The following ZHX2 variants were observed in gnomAD, a reference collection of about 807,000 sequenced individuals.
ZHX2 encodes the protein zinc fingers and homeoboxes protein 2.
In ZHX2, 6 loss-of-function variants were observed where a neutral mutation model predicts 21.9. The ratio of observed to expected loss-of-function variants is 0.27; its 90% CI spans 0.15 to 0.54. The LOEUF (loss-of-function observed/expected upper bound fraction) is 0.54. ZHX2 is among the 20% of genes least tolerant of loss of function. ZHX2 has a pLI of 0.95. For missense variants in ZHX2, 908 were observed against 1,090.7 expected (o/e 0.83, Z 2.36); for synonymous variants, 434 against 437.1 (o/e 0.99, Z 0.09).
At chr8:122,801,873 G>A (rs1250681846) in intron 1 of ZHX2, among the ~76,000 whole-genome samples, 1 of 152,168 alleles carries the variant, frequency 6.6e-6, no homozygotes, top group Non-Finnish European at 1.5e-5. Flanking sequence ...TGGATGCGTT[G>A]ACTTGGAACT....
At chr8:122,821,101 A>T (rs1026455894) in intron 1 of ZHX2, among the ~76,000 whole-genome samples, 1 of 152,216 alleles carries the variant, frequency 6.6e-6, no homozygotes, top group African/African-American at 2.4e-5. Context: ...ACATCTGGGT[A>T]GCAGTGAGGG....
chr8:122,860,997 C>G (rs906973050), intron 1 of ZHX2, among the ~76,000 whole-genome samples: 2 of 137,806 alleles, frequency 1.5e-5, no homozygotes, highest in Admixed American at 1.6e-4. Flanking sequence ...CATGCCACTG[C>G]ATGCACTCCA....
chr8:122,809,787 C>T (rs774792469), intron 1 of ZHX2, among the ~76,000 whole-genome samples: 13 of 152,144 alleles, frequency 8.5e-5, no homozygotes, highest in Non-Finnish European at 1.8e-4. Context: ...AGCTATGTGA[C>T]GTTAGGCCAC....
At chr8:122,859,575 G>A (rs1015234507) in intron 1 of ZHX2, among the ~76,000 whole-genome samples, 1 of 152,056 alleles carries the variant, frequency 6.6e-6, no homozygotes, top group African/African-American at 2.4e-5. Context: ...AGTGAGCCAG[G>A]AACAGTGGGG....
At chr8:122,946,404 CCTT>C (rs1303973139) in intron 2 of ZHX2, among the ~76,000 whole-genome samples, 6 of 152,058 alleles carry the variant, frequency 3.9e-5, no homozygotes, top group African/African-American at 1.4e-4. Context: ...GAGCTCTCCT[CCTT>C]CTTTCTTTTC....
At chr8:122,912,428 C>A (rs1210187709) in intron 2 of ZHX2, among the ~76,000 whole-genome samples, 2 of 152,182 alleles carry the variant, frequency 1.3e-5, no homozygotes, top group Non-Finnish European at 2.9e-5. Context: ...CTATGTGACG[C>A]CTTGGCCATT....
intron 2 of ZHX2, among the ~76,000 whole-genome samples, chr8:122,908,225 AGTTTCGTTCTT>A (rs1297878413): frequency 3.3e-5 from 5 of 152,122 alleles, no homozygotes; most frequent in Admixed American, 3.3e-4. Context: ...TTTGAAATGG[AGTTTCGTTCTT>A]GTTGCCCAAA....
intron 1 of ZHX2, among the ~76,000 whole-genome samples, chr8:122,833,333 G>A (rs564785376): frequency 1.3e-5 from 2 of 152,216 alleles, no homozygotes; most frequent in East Asian, 1.9e-4. Flanking sequence ...TTTGTTGGGC[G>A]GAGTAGGCGA....
At chr8:122,831,484 T>G (rs1042429543) in intron 1 of ZHX2, among the ~76,000 whole-genome samples, 1 of 152,200 alleles carries the variant, frequency 6.6e-6, no homozygotes, top group African/African-American at 2.4e-5. Flanking sequence ...CGAAGCGCCC[T>G]TCTTTGACAT....
At chr8:122,920,067 A>T (rs775905825) in intron 2 of ZHX2, among the ~76,000 whole-genome samples, 16 of 152,192 alleles carry the variant, frequency 1.1e-4, no homozygotes, top group Non-Finnish European at 1.9e-4. Flanking sequence ...TGAGGTCAGG[A>T]GTTCAAGACC....
chr8:122,808,726 C>T (rs939435177), intron 1 of ZHX2: 6 of 152,196 alleles, frequency 3.9e-5, no homozygotes, highest in South Asian at 2.1e-4. Context: ...CCATAATTCT[C>T]ACCACACTCC....
chr8:122,897,032 T>G (rs1820115416), intron 2 of ZHX2, among the ~76,000 whole-genome samples: 1 of 152,234 alleles, frequency 6.6e-6, no homozygotes, highest in East Asian at 1.9e-4. Context: ...GGGAATGCAC[T>G]TTAGAAACTG....
In ZHX2 at chr8:122,951,624, A is replaced by C; in HGVS notation, c.114A>C (p.Pro38=). 2 of 1,614,060 alleles carry C rather than the reference A, an allele frequency of 1.2e-6. No individual in the cohort carries two copies. Among genetic ancestry groups the C allele is most frequent in the East Asian group, 4.5e-5 (2 of 44,866 alleles). ...CCAAAGAGAAAGGAATCGGCACACC[A>C]CAGCCTGACGTGGCCAAGGACAGTT... The part of the protein sequence containing the change: ...DRAKEKGIGT[P]QPDVAKDSWA... Residue 38 remains proline (P), a synonymous_variant, in exon 3 of 4, where the codon CCA becomes CCC. Coordinates refer to ENST00000314393, the MANE Select transcript of ZHX2 (RefSeq NM_014943.5).
Position 122,950,496 on chromosome 8 carries a change from C to T in ZHX2, c.-219-796C>T, listed in dbSNP as rs1020944987. ...AATGCAGGGCTTAAAACCTAGATGA[C>T]GGGTTGATGGGTGCAGCAAACCACC... On this transcript the variant is annotated intron_variant, in intron 2 of 3. Transcript: ENST00000314393. Among the ~76,000 whole-genome samples, 4 of 152,084 alleles carry T rather than the reference C, an allele frequency of 2.6e-5. No homozygotes were observed. The South Asian group carries it at 6.2e-4, about 24-fold the overall frequency.
intron 2 of ZHX2, among the ~76,000 whole-genome samples, chr8:122,947,265 TAA>T (rs61243571): frequency 7.0e-6 from 1 of 142,020 alleles, no homozygotes; most frequent in Non-Finnish European, 1.5e-5. Flanking sequence ...ACCCCATCTC[TAA>T]AAAAAAAAAA....
At chr8:122,814,193 C>A (rs1817984450) in intron 1 of ZHX2, among the ~76,000 whole-genome samples, 1 of 152,210 alleles carries the variant, frequency 6.6e-6, no homozygotes, top group Non-Finnish European at 1.5e-5. Flanking sequence ...GCCAAGGCAG[C>A]TTCCTGGGGT....
intron 2 of ZHX2, among the ~76,000 whole-genome samples, chr8:122,903,784 T>C (rs182820496): frequency 9.9e-5 from 15 of 152,172 alleles, no homozygotes; most frequent in African/African-American, 2.6e-4. Context: ...GGCAGGTAGA[T>C]AGATGTATAC....
At chr8:122,940,014 G>A (rs1317467971) in intron 2 of ZHX2, among the ~76,000 whole-genome samples, 1 of 152,232 alleles carries the variant, frequency 6.6e-6, no homozygotes, top group African/African-American at 2.4e-5. Flanking sequence ...TTCTGCAGGT[G>A]AAGGTTCACC....
chr8:122,870,082 G>A (rs1435929014), intron 2 of ZHX2, among the ~76,000 whole-genome samples: 1 of 152,196 alleles, frequency 6.6e-6, no homozygotes, highest in African/African-American at 2.4e-5. Flanking sequence ...AGACCCTGAA[G>A]GAGGGGAAAC....
Sources: gnomAD v4.1 joint callset for allele counts (sites outside exome capture counted in the v4.1 genomes callset) on GRCh38, gnomAD v4.1.1 for gene constraint, MANE v1.5 for transcripts, NCBI Gene and HGNC (gene_info 2026-07-23, HGNC 2026-07-21) for gene names.